Variants in MALRD1 observed in about 807,000 individuals in gnomAD.
MALRD1 encodes MAM and LDL receptor class A domain containing 1.
A neutral mutation model predicts 242.1 loss-of-function variants in MALRD1; 247 were observed. The ratio of observed to expected loss-of-function variants is 1.02; its 90% CI spans 0.92 to 1.13. The LOEUF (loss-of-function observed/expected upper bound fraction) is 1.13, where lower values mean the gene tolerates loss of function less well. MALRD1 is among the 50% of genes most tolerant of loss of function. MALRD1 has a pLI of 0.00. For synonymous variants in MALRD1, 995 were observed against 866.6 expected (o/e 1.15, Z -2.60); for missense variants, 2,989 against 2,533.1 (o/e 1.18, Z -3.86).
intron 36 of MALRD1, among the ~76,000 whole-genome samples, chr10:19,663,229 A>G (rs1330035746): frequency 6.6e-6 from 1 of 152,050 alleles, no homozygotes; most frequent in Admixed American, 6.6e-5. Flanking sequence ...CTCTATGCCC[A>G]TGTGTACAAA....
In MALRD1 at chr10:19,389,617, C is replaced by A. The variant is rs1438675811; in HGVS notation, c.4845+8C>A. On this transcript the variant is annotated splice_region_variant and intron_variant, in intron 28 of 39. Transcript: ENST00000454679. Reference sequence around the variant, plus strand: ...ATTCAGATTCTCATCAAGGTAGGAACATGGCCTGTGATGCCTCTGAGCTTG... The same window carrying A: ...ATTCAGATTCTCATCAAGGTAGGAAAATGGCCTGTGATGCCTCTGAGCTTG... The A allele has an allele frequency of 6.5e-7, 1 of 1,547,890 alleles. No individual in the cohort carries two copies. Among genetic ancestry groups the A allele is most frequent in the Non-Finnish European group, 8.7e-7 (1 of 1,145,858 alleles).
chr10:19,510,678 T>C (rs1833361114), intron 31 of MALRD1, among the ~76,000 whole-genome samples: 1 of 152,244 alleles, frequency 6.6e-6, no homozygotes, highest in East Asian at 1.9e-4. Flanking sequence ...AGAATTTTTC[T>C]TAGTACAGAA....
At chr10:19,715,138 C>A (rs1834323116) in intron 38 of MALRD1, among the ~76,000 whole-genome samples, 1 of 151,802 alleles carries the variant, frequency 6.6e-6, no homozygotes, top group African/African-American at 2.4e-5. Flanking sequence ...ATTGAAATTG[C>A]TACGAAATTT....
intron 34 of MALRD1, among the ~76,000 whole-genome samples, chr10:19,602,750 A>C (rs1479326605): frequency 6.6e-6 from 1 of 152,150 alleles, no homozygotes; most frequent in African/African-American, 2.4e-5. Flanking sequence ...TTCTTGTTCT[A>C]GATCCTTGAG....
intron 18 of MALRD1, among the ~76,000 whole-genome samples, chr10:19,230,439 G>A (rs903539964): frequency 6.6e-6 from 1 of 152,126 alleles, no homozygotes; most frequent in Non-Finnish European, 1.5e-5. Flanking sequence ...AGGGAAACCA[G>A]CATATCACAT....
chr10:19,292,492 C>G (rs962298346), intron 21 of MALRD1, among the ~76,000 whole-genome samples: 1 of 152,112 alleles, frequency 6.6e-6, no homozygotes, highest in Non-Finnish European at 1.5e-5. Flanking sequence ...TGATCGTTAT[C>G]TTTCAGTTGG....
chr10:19,606,127 TAAGTA>T (rs972576469), intron 34 of MALRD1, among the ~76,000 whole-genome samples: 1 of 152,122 alleles, frequency 6.6e-6, no homozygotes, highest in African/African-American at 2.4e-5. Context: ...TTACCTATGA[TAAGTA>T]AAATAAATTA....
chr10:19,171,851 T>C (rs1032596245), intron 13 of MALRD1, among the ~76,000 whole-genome samples: 20 of 143,924 alleles, frequency 1.4e-4, no homozygotes, highest in African/African-American at 4.8e-4. Flanking sequence ...TATATACACA[T>C]ACATATATAT....
intron 21 of MALRD1, among the ~76,000 whole-genome samples, chr10:19,304,322 G>C (rs962371101): frequency 6.7e-6 from 1 of 150,046 alleles, no homozygotes; most frequent in African/African-American, 2.5e-5. Flanking sequence ...CACAATGTCT[G>C]TCTGTCTATC....
intron 19 of MALRD1, among the ~76,000 whole-genome samples, chr10:19,278,877 A>G (rs1840668397): frequency 6.6e-6 from 1 of 152,252 alleles, no homozygotes; most frequent in African/African-American, 2.4e-5. Context: ...AAATTGATAT[A>G]ATAAGCAAAT....
chr10:19,603,590 A>C (rs1838468103), intron 34 of MALRD1, among the ~76,000 whole-genome samples: 1 of 152,166 alleles, frequency 6.6e-6, no homozygotes. Flanking sequence ...TGTTTTGGTT[A>C]CTATAGCCTT....
At chr10:19,345,173 A>T (rs187602186) in intron 24 of MALRD1, among the ~76,000 whole-genome samples, 13 of 152,178 alleles carry the variant, frequency 8.5e-5, no homozygotes, top group Middle Eastern at 3.2e-3. Context: ...AAACTTTCCA[A>T]GGAAACATAA....
intron 2 of MALRD1, among the ~76,000 whole-genome samples, chr10:19,073,227 T>A (rs2131261388): frequency 6.6e-6 from 1 of 152,264 alleles, no homozygotes; most frequent in South Asian, 2.1e-4. Flanking sequence ...TTAACCCATT[T>A]TTAATATGGT....
chr10:19,270,992 G>A (rs1028615530), intron 19 of MALRD1, among the ~76,000 whole-genome samples: 1 of 152,020 alleles, frequency 6.6e-6, no homozygotes, highest in Non-Finnish European at 1.5e-5. Context: ...CTAAATATAC[G>A]AATGAATGGC....
chr10:19,145,139 AT>A (rs1833684742), intron 10 of MALRD1, among the ~76,000 whole-genome samples: 2 of 152,288 alleles, frequency 1.3e-5, no homozygotes, highest in East Asian at 1.9e-4. Context: ...ATAATAATGA[AT>A]TTCTCGAAAG....
At chr10:19,343,682 A>C (rs1048007646) in intron 24 of MALRD1, among the ~76,000 whole-genome samples, 1 of 152,086 alleles carries the variant, frequency 6.6e-6, no homozygotes, top group Non-Finnish European at 1.5e-5. Flanking sequence ...TGTATAAATC[A>C]CGTTTTCCTT....
intron 28 of MALRD1, among the ~76,000 whole-genome samples, chr10:19,430,704 A>C (rs1053849864): frequency 1.3e-5 from 2 of 152,136 alleles, no homozygotes; most frequent in Admixed American, 1.3e-4. Context: ...ACTTAATATT[A>C]ATTGGATTTG....
At chr10:19,321,030 A>G (rs1410849853) in intron 21 of MALRD1, among the ~76,000 whole-genome samples, 1 of 151,730 alleles carries the variant, frequency 6.6e-6, no homozygotes, top group African/African-American at 2.4e-5. Flanking sequence ...TTGCCTGTTC[A>G]CTCTGATAGT....
intron 21 of MALRD1, among the ~76,000 whole-genome samples, chr10:19,300,103 C>G (rs1841878841): frequency 6.6e-6 from 1 of 151,842 alleles, no homozygotes; most frequent in Non-Finnish European, 1.5e-5. Flanking sequence ...AAATCAAGGA[C>G]ACAGTTCCAT....
Sources: gnomAD v4.1 joint callset for allele counts (sites outside exome capture counted in the v4.1 genomes callset) on GRCh38, gnomAD v4.1.1 for gene constraint, MANE v1.5 for transcripts, NCBI Gene and HGNC (gene_info 2026-07-23, HGNC 2026-07-21) for gene names.